The following SYNPR variants were observed in gnomAD, a reference collection of about 807,000 sequenced individuals.
SYNPR encodes the protein synaptoporin.
Under a neutral mutation model 32.9 loss-of-function variants are expected in SYNPR, and 23 were observed. The ratio of observed to expected loss-of-function variants is 0.70; its 90% CI spans 0.50 to 0.99. SYNPR has a LOEUF of 0.99. SYNPR is among the 50% of genes least tolerant of loss of function. The pLI, the probability that SYNPR is intolerant of heterozygous loss-of-function variation, is 0.00. For synonymous variants in SYNPR, 146 were observed against 135.9 expected, an observed-to-expected ratio of 1.07 and a Z score of -0.52; for missense variants, 318 against 349.3, an observed-to-expected ratio of 0.91 and a Z score of 0.71.
At chr3:63,539,083 T>C (rs941988860) in intron 3 of SYNPR, among the ~76,000 whole-genome samples, 4 of 152,158 alleles carry the variant, frequency 2.6e-5, no homozygotes. Flanking sequence ...CCTTTCTTTC[T>C]TCCCTTCTTC....
rs141483541 is a variant in SYNPR, at chr3:63,500,478, C to G, written c.209+19522C>G. Among the ~76,000 whole-genome samples the G allele has an allele frequency of 3.9e-5, 6 of 152,160 alleles. No homozygotes were observed. The East Asian group carries it at 1.2e-3, about 29-fold the overall frequency. ...TACAATATCAGCCCTGCCCACCTTA[C>G]AAGGTGATTACAGATCAAACAAACC... On this transcript the variant is annotated intron_variant, in intron 3 of 5. Coordinates refer to ENST00000478300, the MANE Select transcript of SYNPR (RefSeq NM_001130003.2).
At chr3:63,336,175 ATTAT>A (rs2087291356) in intron 2 of SYNPR, among the ~76,000 whole-genome samples, 1 of 152,154 alleles carries the variant, frequency 6.6e-6, no homozygotes, top group African/African-American at 2.4e-5. Flanking sequence ...AAAATTTTAC[ATTAT>A]TTAATTAGGT....
chr3:63,337,730 TG>T (rs1358195294), intron 2 of SYNPR, among the ~76,000 whole-genome samples: 4 of 152,164 alleles, frequency 2.6e-5, no homozygotes, highest in Admixed American at 1.3e-4. Flanking sequence ...TAATCTTAAG[TG>T]CATGTTACTG....
intron 2 of SYNPR, among the ~76,000 whole-genome samples, chr3:63,355,081 C>T (rs2087559349): frequency 6.6e-6 from 1 of 152,118 alleles, no homozygotes; most frequent in African/African-American, 2.4e-5. Context: ...GAGTTCAAAA[C>T]CAGCCTGGCC....
At chr3:63,610,116 T>C (rs1272725726) in intron 5 of SYNPR, among the ~76,000 whole-genome samples, 4 of 152,124 alleles carry the variant, frequency 2.6e-5, no homozygotes, top group Admixed American at 6.5e-5. Context: ...ATAATAGCTA[T>C]GGTAATTTTT....
At chr3:63,340,122 T>A (rs2087345962) in intron 2 of SYNPR, among the ~76,000 whole-genome samples, 1 of 152,196 alleles carries the variant, frequency 6.6e-6, no homozygotes, top group African/African-American at 2.4e-5. Flanking sequence ...CTCAGCATAA[T>A]TTCCTTCAGA....
At chr3:63,357,342 C>A (rs1014792459) in intron 2 of SYNPR, among the ~76,000 whole-genome samples, 2 of 151,542 alleles carry the variant, frequency 1.3e-5, no homozygotes, top group East Asian at 3.9e-4. Flanking sequence ...CTCTTTTTTT[C>A]TCTCTTTTGA....
In SYNPR at chr3:63,442,840, C is replaced by T. The variant is rs528367119; in HGVS notation, c.85-37992C>T. ...ATGGGGATTATGCATAACAGCTATGCATTTACATTAAAATGAGGGCAATTT... is the reference window on the plus strand; with the variant it reads ...ATGGGGATTATGCATAACAGCTATGTATTTACATTAAAATGAGGGCAATTT... On this transcript the variant is annotated intron_variant, in intron 2 of 5. Transcript: ENST00000478300. 2.6e-5 allele frequency among the ~76,000 whole-genome samples: 4 copies of T among 152,232 alleles called. No homozygotes were observed. The South Asian group carries it at 8.3e-4, about 32-fold the overall frequency.
At chr3:63,424,657 C>T (rs1015096269) in intron 2 of SYNPR, among the ~76,000 whole-genome samples, 3 of 152,146 alleles carry the variant, frequency 2.0e-5, no homozygotes, top group Non-Finnish European at 4.4e-5. Flanking sequence ...AATAAACAAG[C>T]TTCGCTTTGC....
chr3:63,246,094 G>T (rs943853304), intron 1 of SYNPR, among the ~76,000 whole-genome samples: 6 of 151,994 alleles, frequency 3.9e-5, no homozygotes, highest in Admixed American at 3.9e-4. Flanking sequence ...AGCTATGCAA[G>T]AAAGAAGGAA....
the SYNPR span, among the ~76,000 whole-genome samples, chr3:63,208,245 T>C: frequency 6.6e-6 from 1 of 152,202 alleles, no homozygotes; most frequent in Non-Finnish European, 1.5e-5. Flanking sequence ...TCAGCATAGA[T>C]ACTACTACAA....
At chr3:63,205,701 C>A in the SYNPR span, among the ~76,000 whole-genome samples, 2 of 152,236 alleles carry the variant, frequency 1.3e-5, no homozygotes, top group Non-Finnish European at 2.9e-5. Flanking sequence ...CTGAGAATAA[C>A]TGAGCTCTGT....
chr3:63,417,819 T>C lies in SYNPR; in HGVS notation c.85-63013T>C, dbSNP rs1424993826. On this transcript the variant is annotated intron_variant, in intron 2 of 5. Transcript: ENST00000478300. ...GCTGGGACACAGGGCACCAAGTTCC[T>C]AGACTGCTCACAGCAGAGGGACCCA... Among the ~76,000 whole-genome samples, 9 of 152,320 alleles carry C rather than the reference T, an allele frequency of 5.9e-5. No homozygotes were observed. In the South Asian group the frequency reaches 1.9e-3, roughly 32 times the overall value.
chr3:63,460,087 A>G (rs1297294605), intron 2 of SYNPR, among the ~76,000 whole-genome samples: 1 of 152,090 alleles, frequency 6.6e-6, no homozygotes, highest in East Asian at 1.9e-4. Context: ...TATTCTCCAC[A>G]TAGCAACCAG....
At chr3:63,304,371 TG>T (rs2086887581) in intron 2 of SYNPR, among the ~76,000 whole-genome samples, 1 of 151,802 alleles carries the variant, frequency 6.6e-6, no homozygotes, top group African/African-American at 2.4e-5. Context: ...TGTGTGTGTG[TG>T]TGTGTGTGTG....
At chr3:63,343,485 T>C (rs1190631491) in intron 2 of SYNPR, among the ~76,000 whole-genome samples, 1 of 152,072 alleles carries the variant, frequency 6.6e-6, no homozygotes, top group Non-Finnish European at 1.5e-5. Context: ...AGTGAGGACA[T>C]TGTTTGGAGG....
intron 3 of SYNPR, among the ~76,000 whole-genome samples, chr3:63,541,065 C>T (rs1429989057): frequency 6.6e-6 from 1 of 151,542 alleles, no homozygotes; most frequent in Non-Finnish European, 1.5e-5. Flanking sequence ...AAGTTTTTCT[C>T]TTGGAGCTGG....
upstream of SYNPR, chr3:63,278,209 T>C (rs1481790899): frequency 1.0e-5 from 3 of 287,042 alleles, no homozygotes; most frequent in African/African-American, 4.4e-5. Flanking sequence ...CTCCTCGCCC[T>C]CCCCTCTGGA....
chr3:63,558,367 T>C, intron 4 of SYNPR, among the ~76,000 whole-genome samples: 1 of 152,124 alleles, frequency 6.6e-6, no homozygotes, highest in Non-Finnish European at 1.5e-5. Flanking sequence ...TGAGGCAGAG[T>C]CTCATGCCAC....
Sources: gnomAD v4.1 joint callset for allele counts (sites outside exome capture counted in the v4.1 genomes callset) on GRCh38, gnomAD v4.1.1 for gene constraint, MANE v1.5 for transcripts, NCBI Gene and HGNC (gene_info 2026-07-23, HGNC 2026-07-21) for gene names.